ADA2: variants seen among roughly 807,000 people sequenced by gnomAD.
The protein encoded by ADA2 is adenosine deaminase CECR1.
A neutral mutation model predicts 44.2 loss-of-function variants in ADA2; 29 were observed. That is an observed-to-expected ratio of 0.66 (90% CI 0.49 to 0.89). The LOEUF is 0.89. Among genes scored for constraint, ADA2 ranks in the 40% least tolerant of loss-of-function variants. The probability of loss-of-function intolerance (pLI) is 0.00; values close to 1 mark genes in which losing one functional copy is unlikely to be tolerated. For synonymous variants in ADA2, 215 were observed against 234.9 expected (o/e 0.92, Z 0.77); for missense variants, 637 against 644.8 (o/e 0.99, Z 0.13).
upstream of ADA2, chr22:17,219,675 T>TG (rs1169987747): frequency 8.7e-5 from 12 of 137,664 alleles, no homozygotes; most frequent in Admixed American, 2.9e-4. Context: ...GTTTTTTTTT[T>TG]TTTTTTTTTT....
chr22:17,203,797 G>A (rs568854849), intron 3 of ADA2, 24 bp from the exon 4 acceptor site: 1 of 1,560,214 alleles, frequency 6.4e-7, no homozygotes, highest in Admixed American at 1.7e-5. Context: ...GAAGTGGGGA[G>A]TGGCAGAGGC....
upstream of ADA2, among the ~76,000 whole-genome samples, chr22:17,219,755 G>A (rs1379986192): frequency 2.2e-5 from 3 of 137,732 alleles, no homozygotes; most frequent in Non-Finnish European, 4.6e-5. Context: ...GCTCACTGCA[G>A]CCTCCGCCTC....
chr22:17,206,695 A>G (rs9617970), intron 3 of ADA2, among the ~76,000 whole-genome samples: 7,034 of 152,154 alleles, frequency 0.046, 220 homozygotes, highest in Middle Eastern at 0.1. Flanking sequence ...GCTGGAGTAC[A>G]GTGGCTCCAT....
chr22:17,205,051 T>C (rs1229865871), intron 3 of ADA2, among the ~76,000 whole-genome samples: 1 of 151,870 alleles, frequency 6.6e-6, no homozygotes, highest in African/African-American at 2.4e-5. Flanking sequence ...AGAATCTTGC[T>C]CTGTCGCCCA....
At chr22:17,219,665 G>GTTTTTTTTTTTTTTTTTTTTTTTTTTT, upstream of ADA2, 4 of 71,996 alleles carry the variant, frequency 5.6e-5, 2 homozygotes, top group Non-Finnish European at 9.8e-5. Context: ...TGTGGGGTTT[G>GTTTTTTTTTTTTTTTTTTTTTTTTTTT]TTTTTTTTTT....
At chr22:17,188,253 G>T in intron 7 of ADA2, 86 bp downstream of exon 7, 1 of 917,116 alleles carries the variant, frequency 1.1e-6, no homozygotes, top group Non-Finnish European at 1.7e-6. Context: ...AACGCCTGTA[G>T]GCTCTAACCC....
intron 6 of ADA2, among the ~76,000 whole-genome samples, chr22:17,189,532 C>G (rs1286193607): frequency 4.6e-5 from 7 of 152,182 alleles, no homozygotes; most frequent in Non-Finnish European, 7.3e-5. Flanking sequence ...CATTACCCCC[C>G]AGTCCCCACC....
At chr22:17,190,057 G>T in intron 5 of ADA2, 25 bp from the exon 6 acceptor site, 1 of 1,557,300 alleles carries the variant, frequency 6.4e-7, no homozygotes, top group Non-Finnish European at 8.9e-7. Flanking sequence ...GAGAAGCCAG[G>T]AGACAGTGCC....
At position 17,180,557 on chromosome 22, in the gene ADA2, G is replaced by A. The variant is rs371795598; in HGVS notation, c.*926C>T. ...CTCATGTCAGTAATCCCAGCACTTCGGGAGACTGCGGCAGGAGGATCACTT... is the reference window on the plus strand; with the variant it reads ...CTCATGTCAGTAATCCCAGCACTTCAGGAGACTGCGGCAGGAGGATCACTT... On this transcript the variant is annotated 3_prime_UTR_variant, in exon 10 of 10. Coordinates refer to ENST00000399837, the MANE Select transcript of ADA2 (RefSeq NM_001282225.2). The A allele has an allele frequency of 1.3e-5, 2 of 152,082 alleles. No homozygotes were observed. The highest frequency in any genetic ancestry group is 4.8e-5 in the African/African-American group (2 of 41,392). 9.4% of individuals were successfully genotyped at this position (152,082 alleles called of 1,614,324 possible). A position where few individuals can be genotyped will look rare whatever the true frequency, so the allele number is the denominator to read the frequency against.
chr22:17,185,004 A>ATC (rs2123616707), intron 7 of ADA2, among the ~76,000 whole-genome samples: 1 of 136,560 alleles, frequency 7.3e-6, no homozygotes, highest in African/African-American at 2.8e-5. Flanking sequence ...ATATATATAT[A>ATC]TATGAAAACT....
rs1237931676 is a variant in ADA2 at position 17,211,833 on chromosome 22, C to A, written c.-46-2110G>T. Among the ~76,000 whole-genome samples the A allele has an allele frequency of 5.9e-5, 9 of 151,760 alleles. 1 individual carries two copies. In the East Asian group the frequency reaches 1.8e-3, roughly 30 times the overall value. The stretch of plus-strand genomic sequence containing the variant: ...GTCCCAGCTACTCAGGAGCCTGAGG[C>A]AGGAGAATTGCTTGAATCCGGGAGG... On this transcript the variant is annotated intron_variant, in intron 1 of 9. Transcript: ENST00000399837.
At chr22:17,210,607 GT>G (rs199684150) in intron 1 of ADA2, among the ~76,000 whole-genome samples, 17 of 151,238 alleles carry the variant, frequency 1.1e-4, no homozygotes, top group Non-Finnish European at 1.9e-4. Flanking sequence ...TTTAATTTTT[GT>G]TTTTTTTAAG....
intron 1 of ADA2, chr22:17,213,633 G>T: frequency 3.6e-6 from 1 of 279,066 alleles, no homozygotes; most frequent in Non-Finnish European, 7.3e-6. Context: ...GGAATCAATG[G>T]GAATGAACAA....
chr22:17,190,303 G>A lies in ADA2; in HGVS notation c.882-271C>T, dbSNP rs145916718. 2.0e-3 allele frequency among the ~76,000 whole-genome samples: 298 copies of A among 152,274 alleles called. 2 individuals are homozygous for A. The highest frequency in any genetic ancestry group is 3.6e-3 in the Non-Finnish European group (242 of 68,016). ...AAGTAGATGGGGTCAGAGGACCCAC[G>A]GGAACAGTTTTATTTGTCTGCGTTT... On this transcript the variant is annotated intron_variant, in intron 5 of 9. Coordinates refer to ENST00000399837, the MANE Select transcript of ADA2 (RefSeq NM_001282225.2).
chr22:17,215,078 T>G (rs1486921522), intron 1 of ADA2, among the ~76,000 whole-genome samples: 2 of 152,182 alleles, frequency 1.3e-5, no homozygotes, highest in African/African-American at 4.8e-5. Context: ...AGGGCTGGGA[T>G]TTTGTAGGGC....
chr22:17,207,404 G>A, intron 2 of ADA2, 114 bp from the exon 3 acceptor site: 1 of 717,474 alleles, frequency 1.4e-6, no homozygotes, highest in Non-Finnish European at 2.3e-6. Context: ...GGGGCTGTGG[G>A]GACAAAGGGG....
intron 3 of ADA2, among the ~76,000 whole-genome samples, chr22:17,204,139 C>A (rs1288462848): frequency 1.3e-5 from 2 of 151,864 alleles, no homozygotes; most frequent in African/African-American, 2.4e-5. Flanking sequence ...CTTCCTATAC[C>A]CACTGACAGG....
chr22:17,182,065 TAA>T (rs2061977353), intron 8 of ADA2, 43 bp from the exon 9 acceptor site: 3 of 1,501,604 alleles, frequency 2.0e-6, no homozygotes, highest in African/African-American at 2.7e-5. Flanking sequence ...CTCTGATCCC[TAA>T]AAAGAGTAGT....
chr22:17,181,745 C>T, intron 9 of ADA2, 75 bp downstream of exon 9: 2 of 1,336,654 alleles, frequency 1.5e-6, no homozygotes, highest in South Asian at 1.2e-5. Flanking sequence ...GCATCTGCCT[C>T]AAGCCTCCAG....
Sources: allele counts gnomAD v4.1 joint callset (sites outside exome capture counted in the v4.1 genomes callset), GRCh38; gene constraint gnomAD v4.1.1; transcripts MANE v1.5; gene names NCBI Gene and HGNC (gene_info 2026-07-23, HGNC 2026-07-21).